The following TRERF1 variants were observed in gnomAD, a reference collection of about 807,000 sequenced individuals.
The protein encoded by TRERF1 is transcriptional regulating factor 1.
A neutral mutation model predicts 122.9 loss-of-function variants in TRERF1; 27 were observed. The ratio of observed to expected loss-of-function variants is 0.22; its 90% confidence interval spans 0.16 to 0.30. The LOEUF is 0.30. Ranked by LOEUF, TRERF1 falls within the 10% of genes least tolerant of loss-of-function variation. The pLI, the probability that TRERF1 is intolerant of heterozygous loss-of-function variation, is 1.00. For missense variants in TRERF1, 1,248 were observed against 1,560.3 expected, an observed-to-expected ratio of 0.80 and a Z score of 3.37; for synonymous variants, 636 against 641.7, an observed-to-expected ratio of 0.99 and a Z score of 0.13.
chr6:42,315,340 C>T (rs570153457), intron 3 of TRERF1, among the ~76,000 whole-genome samples: 2 of 152,292 alleles, frequency 1.3e-5, no homozygotes, highest in African/African-American at 4.8e-5. Flanking sequence ...TTGACAAACC[C>T]TGGTGCAGGG....
At chr6:42,426,297 T>G (rs12206904) in intron 2 of TRERF1, among the ~76,000 whole-genome samples, 12,612 of 152,146 alleles carry the variant, frequency 0.083, 668 homozygotes, top group African/African-American at 0.15. Flanking sequence ...CAGACCAACA[T>G]ATGTAAATAA....
chr6:42,447,839 G>C (rs1385401278), intron 2 of TRERF1, among the ~76,000 whole-genome samples: 1 of 151,952 alleles, frequency 6.6e-6, no homozygotes, highest in African/African-American at 2.4e-5. Context: ...CAAGTAACTG[G>C]GATTACAGAC....
At chr6:42,376,536 CTTTTTTTTTTTTT>C (rs781389630) in intron 2 of TRERF1, among the ~76,000 whole-genome samples, 6 of 96,312 alleles carry the variant, frequency 6.2e-5, no homozygotes, top group South Asian at 3.8e-4. Context: ...TCGTCTAATT[CTTTTTTTTTTTTT>C]TTTTTTTTTT....
At chr6:42,349,342 C>T (rs1285262374) in intron 3 of TRERF1, among the ~76,000 whole-genome samples, 5 of 151,924 alleles carry the variant, frequency 3.3e-5, no homozygotes, top group Non-Finnish European at 7.4e-5. Context: ...TAAAGCCTCA[C>T]CTGAGGCCGG....
intron 3 of TRERF1, among the ~76,000 whole-genome samples, chr6:42,300,980 C>T (rs1292007689): frequency 6.6e-6 from 1 of 152,088 alleles, no homozygotes; most frequent in East Asian, 1.9e-4. Context: ...GAACTGGATG[C>T]AGTCTCTACA....
chr6:42,228,586 T>G lies in TRERF1; in HGVS notation c.3362A>C (p.Lys1121Thr). 6.2e-7 allele frequency: 1 copy of G among 1,614,252 alleles called. No homozygotes were observed. The highest frequency in any genetic ancestry group is 8.5e-7 in the Non-Finnish European group (1 of 1,180,048). Residue 1121 changes from lysine (K) to threonine (T), a missense_variant, in exon 18 of 18, where the codon AAG becomes ACG. By Grantham distance (78) the Lys-to-Thr change is moderately conservative. Around this residue, in one of 5 missense-constraint regions of TRERF1, gnomAD observed 84 missense variants for 116.0 expected, o/e 0.72. Transcript: ENST00000372922. This position sits in a 1 kb window ranked among gnomAD's most constrained non-coding sequence, Gnocchi z 4.2. ...TGCCATCTCAGCTGCAAAAGCCGCCTTCTGAGCCTTTTGCCTCTGTTGTTC... is the reference window on the plus strand; with the variant it reads ...TGCCATCTCAGCTGCAAAAGCCGCCGTCTGAGCCTTTTGCCTCTGTTGTTC...
At chr6:42,433,491 G>A (rs1784797250) in intron 2 of TRERF1, among the ~76,000 whole-genome samples, 2 of 151,976 alleles carry the variant, frequency 1.3e-5, no homozygotes, top group Admixed American at 6.6e-5. Flanking sequence ...GCAAGCAGAT[G>A]AAACTCTGAA....
intron 11 of TRERF1, 32 bp from the exon 12 acceptor site, chr6:42,256,863 G>A (rs979718680): frequency 1.2e-5 from 19 of 1,613,248 alleles, no homozygotes; most frequent in Non-Finnish European, 1.6e-5. Flanking sequence ...CAATGCATCA[G>A]AGAGAGCTGA....
intron 4 of TRERF1, among the ~76,000 whole-genome samples, chr6:42,273,070 G>A (rs1330494849): frequency 6.6e-6 from 1 of 151,902 alleles, no homozygotes; most frequent in Non-Finnish European, 1.5e-5. Flanking sequence ...CCCGCCACTG[G>A]GTATCCTTCA....
chr6:42,226,224 T>C (rs1769487391), exon 18 of TRERF1: 1 of 152,256 alleles, frequency 6.6e-6, no homozygotes, highest in African/African-American at 2.4e-5. Context: ...CAACTGAGTT[T>C]ATTTTTTAAT....
intron 2 of TRERF1, among the ~76,000 whole-genome samples, chr6:42,388,776 T>C (rs1777226191): frequency 6.6e-6 from 1 of 152,252 alleles, no homozygotes; most frequent in Non-Finnish European, 1.5e-5. Context: ...ATGTGTTCCA[T>C]TCATTGTGTA....
chr6:42,233,486 C>A (rs900326042), intron 16 of TRERF1, among the ~76,000 whole-genome samples: 5 of 151,968 alleles, frequency 3.3e-5, no homozygotes, highest in Non-Finnish European at 5.9e-5. Context: ...AGGGTTTCAC[C>A]GTGTTAGCCA....
intron 2 of TRERF1, among the ~76,000 whole-genome samples, chr6:42,431,056 T>A (rs1174550277): frequency 7.1e-6 from 1 of 141,208 alleles, no homozygotes; most frequent in African/African-American, 2.7e-5. Flanking sequence ...CAAGACTCAG[T>A]CTCAAAAAAA....
At chr6:42,431,732 A>C (rs260252) in intron 2 of TRERF1, among the ~76,000 whole-genome samples, 151,324 of 151,902 alleles carry the variant, frequency 1, 75,379 homozygotes, top group Middle Eastern at 1. Context: ...GGGACCCCCC[A>C]ACCCCACAAT....
intron 3 of TRERF1, among the ~76,000 whole-genome samples, chr6:42,336,299 G>A (rs1329238105): frequency 6.6e-6 from 1 of 152,140 alleles, no homozygotes; most frequent in Non-Finnish European, 1.5e-5. Context: ...CTTCTTTCTT[G>A]TCCTTTCTGC....
At chr6:42,241,873 C>T (rs1025756814) in intron 15 of TRERF1, among the ~76,000 whole-genome samples, 2 of 152,176 alleles carry the variant, frequency 1.3e-5, no homozygotes, top group African/African-American at 2.4e-5. Context: ...GGCAGGAGGA[C>T]TGCTTAAGCT....
chr6:42,348,830 A>C (rs1022799536), intron 3 of TRERF1, among the ~76,000 whole-genome samples: 1 of 152,146 alleles, frequency 6.6e-6, no homozygotes, highest in African/African-American at 2.4e-5. Flanking sequence ...GTGCTAAAGG[A>C]ATGGAAGGGA....
chr6:42,230,893 G>T (rs1265686533), intron 17 of TRERF1, among the ~76,000 whole-genome samples: 2 of 152,218 alleles, frequency 1.3e-5, no homozygotes, highest in African/African-American at 4.8e-5. Context: ...CCTGCATGGT[G>T]TGAATCCCCA....
At chr6:42,240,954 G>A (rs112058417) in intron 15 of TRERF1, among the ~76,000 whole-genome samples, 12,699 of 151,916 alleles carry the variant, frequency 0.084, 593 homozygotes, top group Middle Eastern at 0.12. Context: ...GTACGGTGGC[G>A]CAATCTCTGC....
Sources: allele counts gnomAD v4.1 joint callset (sites outside exome capture counted in the v4.1 genomes callset), GRCh38; gene constraint gnomAD v4.1.1; regional missense constraint gnomAD v4.1.1; non-coding constraint Gnocchi (gnomAD v3.1); transcripts MANE v1.5; gene names NCBI Gene and HGNC (gene_info 2026-07-23, HGNC 2026-07-21).